The following CORIN variants were observed in gnomAD, a reference collection of about 807,000 sequenced individuals.
The protein encoded by CORIN is corin, serine peptidase, also known as atrial natriuretic peptide-converting enzyme.
A neutral mutation model predicts 125.3 loss-of-function variants in CORIN; 117 were observed. The observed-to-expected ratio is 0.93, with a 90% CI of 0.80 to 1.09. The LOEUF is 1.09. Among genes scored for constraint, CORIN ranks in the 50% least tolerant of loss-of-function variants. The pLI is 0.00. For synonymous variants in CORIN, 450 were observed against 466.4 expected (o/e 0.96, Z 0.45); for missense variants, 1,253 against 1,306.7 (o/e 0.96, Z 0.63).
At chr4:47,786,655 T>C (rs1266016452) in intron 3 of CORIN, 70 bp downstream of exon 3, 5 of 1,200,180 alleles carry the variant, frequency 4.2e-6, no homozygotes, top group Middle Eastern at 2.0e-4. Flanking sequence ...CTAAAAGCAT[T>C]GGTTGCCAAA....
intron 1 of CORIN, among the ~76,000 whole-genome samples, chr4:47,823,222 T>G (rs1484227590): frequency 6.6e-6 from 1 of 152,224 alleles, no homozygotes; most frequent in Non-Finnish European, 1.5e-5. Flanking sequence ...CAATTTGCCC[T>G]CCATTTGGCC....
chr4:47,693,003 C>T lies in CORIN; in HGVS notation c.880G>A (p.Asp294Asn), dbSNP rs765666960. 4 of 1,613,806 alleles carry T rather than the reference C, an allele frequency of 2.5e-6. No individual in the cohort carries two copies. Among genetic ancestry groups the T allele is most frequent in the South Asian group, 1.1e-5 (1 of 91,058 alleles). Residue 294 changes from aspartate (D) to asparagine (N), a missense_variant, in exon 6 of 22, where the codon GAC becomes AAC. Transcript: ENST00000273857. ...PGKLQCNGYN[D>N]CDDWSDEAHC... ...GCCTCGTCACTCCAGTCGTCACAGT[C>T]GTTGTAGCCATTACATTGCAGTTTC...
At chr4:47,789,443 CT>C (rs1730967129) in intron 2 of CORIN, among the ~76,000 whole-genome samples, 1 of 152,142 alleles carries the variant, frequency 6.6e-6, no homozygotes. Flanking sequence ...CTTCATTGCT[CT>C]TAAGCTTTAT....
At chr4:47,630,489 C>T (rs912162777) in intron 16 of CORIN, among the ~76,000 whole-genome samples, 1 of 152,150 alleles carries the variant, frequency 6.6e-6, no homozygotes, top group Admixed American at 6.5e-5. Context: ...ATCAAAGTCA[C>T]TGTATCCTAA....
chr4:47,826,981 A>G (rs1732768058), intron 1 of CORIN, among the ~76,000 whole-genome samples: 1 of 152,270 alleles, frequency 6.6e-6, no homozygotes, highest in African/African-American at 2.4e-5. Flanking sequence ...TATTAAAATT[A>G]TAAAATCTTG....
intron 2 of CORIN, among the ~76,000 whole-genome samples, chr4:47,800,483 G>A (rs578210461): frequency 6.6e-6 from 1 of 152,132 alleles, no homozygotes; most frequent in Non-Finnish European, 1.5e-5. Context: ...TAAAATGACA[G>A]TGGTATAGCT....
chr4:47,794,503 T>C (rs1731210237), intron 2 of CORIN, among the ~76,000 whole-genome samples: 2 of 152,224 alleles, frequency 1.3e-5, no homozygotes, highest in Admixed American at 6.5e-5. Context: ...ACTAGAAATG[T>C]AATTTTAAGC....
chr4:47,831,781 T>C (rs1733016787), intron 1 of CORIN, among the ~76,000 whole-genome samples: 1 of 152,022 alleles, frequency 6.6e-6, no homozygotes, highest in African/African-American at 2.4e-5. Context: ...AATGTGTCCT[T>C]CCTTTGCATA....
At chr4:47,810,348 C>G (rs550682561) in intron 1 of CORIN, among the ~76,000 whole-genome samples, 2 of 152,052 alleles carry the variant, frequency 1.3e-5, no homozygotes, top group Non-Finnish European at 2.9e-5. Flanking sequence ...CCAAACATCA[C>G]GCCCAGCTAA....
At chr4:47,708,936 T>C (rs1481517578) in intron 5 of CORIN, among the ~76,000 whole-genome samples, 1 of 152,184 alleles carries the variant, frequency 6.6e-6, no homozygotes, top group Non-Finnish European at 1.5e-5. Flanking sequence ...AAATCTGACA[T>C]CAGGCCTTGG....
intron 17 of CORIN, 142 bp from the exon 18 acceptor site, chr4:47,624,090 G>A: frequency 1.4e-6 from 1 of 698,410 alleles, no homozygotes; most frequent in Non-Finnish European, 2.4e-6. Context: ...TGTTACCACA[G>A]GAAAGCACAT....
intron 19 of CORIN, among the ~76,000 whole-genome samples, chr4:47,610,624 C>T (rs544204207): frequency 3.9e-5 from 6 of 152,190 alleles, no homozygotes; most frequent in East Asian, 3.9e-4. Flanking sequence ...CTTTTCCTTT[C>T]GTTGCAATTG....
intron 5 of CORIN, among the ~76,000 whole-genome samples, chr4:47,743,314 G>A (rs893740259): frequency 6.6e-6 from 1 of 152,158 alleles, no homozygotes; most frequent in African/African-American, 2.4e-5. Context: ...TGAGATCTTT[G>A]CAATACATAT....
chr4:47,638,754 A>C (rs923633771), intron 16 of CORIN, among the ~76,000 whole-genome samples: 1 of 152,212 alleles, frequency 6.6e-6, no homozygotes, highest in African/African-American at 2.4e-5. Flanking sequence ...AAATGGACTA[A>C]TACAGCTGCC....
chr4:47,726,459 A>T (rs1727602450), intron 5 of CORIN, among the ~76,000 whole-genome samples: 2 of 152,130 alleles, frequency 1.3e-5, no homozygotes, highest in Admixed American at 6.5e-5. Context: ...AAGGGAATAT[A>T]CTGTATGATT....
At chr4:47,805,148 A>T (rs11933006) in intron 2 of CORIN, among the ~76,000 whole-genome samples, 62,374 of 128,448 alleles carry the variant, frequency 0.49, 15,515 homozygotes, top group Admixed American at 0.59. Context: ...AAAAAAAAAA[A>T]AATAATAATA....
intron 5 of CORIN, among the ~76,000 whole-genome samples, chr4:47,743,858 C>T (rs1034990395): frequency 6.6e-6 from 1 of 151,600 alleles, no homozygotes; most frequent in Admixed American, 6.6e-5. Flanking sequence ...GCACTCCAGC[C>T]TGGGTGGCAG....
At chr4:47,614,249 A>G (rs891780898) in intron 19 of CORIN, among the ~76,000 whole-genome samples, 1 of 152,074 alleles carries the variant, frequency 6.6e-6, no homozygotes, top group African/African-American at 2.4e-5. Flanking sequence ...CTGGAGTGCA[A>G]TGGCATGATC....
At chr4:47,658,736 A>G (rs1442082907) in intron 12 of CORIN, among the ~76,000 whole-genome samples, 1 of 152,100 alleles carries the variant, frequency 6.6e-6, no homozygotes, top group Non-Finnish European at 1.5e-5. Context: ...CATTTTTCCC[A>G]TTGTCTTAGC....
Sources: allele counts gnomAD v4.1 joint callset (sites outside exome capture counted in the v4.1 genomes callset), GRCh38; gene constraint gnomAD v4.1.1; transcripts MANE v1.5; gene names NCBI Gene and HGNC (gene_info 2026-07-23, HGNC 2026-07-21).